The following AGBL4 variants were observed in gnomAD, a reference collection of about 807,000 sequenced individuals.
AGBL4 encodes the protein AGBL carboxypeptidase 4, also known as cytosolic carboxypeptidase 6.
AGBL4 carries 58 observed loss-of-function variants against 66.4 expected under a neutral mutation model. That is an observed-to-expected ratio of 0.87 (90% CI 0.71 to 1.09). The LOEUF is 1.09. Among genes scored for constraint, AGBL4 ranks in the 50% least tolerant of loss-of-function variants. The pLI is 0.00. For synonymous variants in AGBL4, 234 were observed against 222.9 expected (o/e 1.05, Z -0.44); for missense variants, 579 against 631.0 (o/e 0.92, Z 0.88).
intron 2 of AGBL4, among the ~76,000 whole-genome samples, chr1:49,759,291 C>A (rs960317922): frequency 3.3e-5 from 5 of 152,100 alleles, no homozygotes; most frequent in African/African-American, 9.7e-5. Context: ...TCACTAAAAC[C>A]AGTAGCCCCT....
rs1376999955 is a variant in AGBL4, at chr1:48,834,232, A to G, written c.634+32959T>C. ...TGAATTTTGCCTAAGGATAAATTGT[A>G]TTTTGAGTCTCACCCATATCTGATT... On this transcript the variant is annotated intron_variant, in intron 6 of 13. Transcript: ENST00000371839. 4.6e-5 allele frequency among the ~76,000 whole-genome samples: 7 copies of G among 152,298 alleles called. 2 individuals are homozygous for G. Among genetic ancestry groups the G allele is most frequent in the Middle Eastern group, 6.8e-3 (2 of 294 alleles).
At chr1:48,674,120 C>T (rs1363367018) in intron 6 of AGBL4, among the ~76,000 whole-genome samples, 3 of 152,198 alleles carry the variant, frequency 2.0e-5, no homozygotes, top group Non-Finnish European at 4.4e-5. Context: ...CTCCTCACAC[C>T]TTTCTAGTTT....
intron 3 of AGBL4, among the ~76,000 whole-genome samples, chr1:49,372,374 AAT>A (rs1353780748): frequency 1.3e-5 from 2 of 152,138 alleles, no homozygotes; most frequent in African/African-American, 2.4e-5. Flanking sequence ...CTTACAGTAT[AAT>A]ACACAAGCTC....
rs1204557479 is a variant in AGBL4 at position 48,867,177 on chromosome 1, C to G, written c.634+14G>C. On this transcript the variant is annotated intron_variant, in intron 6 of 13. Transcript: ENST00000371839. ...TAAGGGAAAAGCAAAGGCAGAAGGGCCACGCCTACTCACCAGGGCTGGTTA... is the reference window on the plus strand; with the variant it reads ...TAAGGGAAAAGCAAAGGCAGAAGGGGCACGCCTACTCACCAGGGCTGGTTA... The G allele has an allele frequency of 6.2e-7, 1 of 1,613,110 alleles. No individual in the cohort carries two copies. The highest frequency in any genetic ancestry group is 8.5e-7 in the Non-Finnish European group (1 of 1,179,444).
At chr1:49,310,030 T>C (rs1041955520) in intron 3 of AGBL4, among the ~76,000 whole-genome samples, 1 of 151,974 alleles carries the variant, frequency 6.6e-6, no homozygotes, top group Non-Finnish European at 1.5e-5. Flanking sequence ...GAGATTTAAA[T>C]GGAGGAATTG....
chr1:49,301,775 G>A (rs560012841), intron 3 of AGBL4, among the ~76,000 whole-genome samples: 125 of 152,122 alleles, frequency 8.2e-4, no homozygotes, highest in Non-Finnish European at 1.4e-3. Context: ...ACCAATTGAC[G>A]CTACCCAGAC....
At chr1:48,595,965 T>C (rs571407807) in intron 9 of AGBL4, among the ~76,000 whole-genome samples, 4 of 152,292 alleles carry the variant, frequency 2.6e-5, no homozygotes, top group African/African-American at 9.6e-5. Context: ...GGAGACGCCA[T>C]GGGGAAGAAA....
At chr1:48,822,774 C>T (rs1474055893) in intron 6 of AGBL4, among the ~76,000 whole-genome samples, 1 of 152,186 alleles carries the variant, frequency 6.6e-6, no homozygotes, top group Non-Finnish European at 1.5e-5. Flanking sequence ...AATTGCATGG[C>T]CCAGTTCTTT....
At chr1:49,312,703 CA>C (rs545156669) in intron 3 of AGBL4, among the ~76,000 whole-genome samples, 1 of 151,568 alleles carries the variant, frequency 6.6e-6, no homozygotes, top group Non-Finnish European at 1.5e-5. Context: ...ATATAGATGA[CA>C]AAAAAACACA....
intron 2 of AGBL4, among the ~76,000 whole-genome samples, chr1:49,843,593 ACTT>A (rs1244065763): frequency 2.6e-5 from 4 of 152,148 alleles, no homozygotes; most frequent in African/African-American, 7.2e-5. Context: ...ATTTAAGGAC[ACTT>A]GTGATTACAC....
chr1:49,167,539 A>G (rs1260361366), intron 4 of AGBL4, among the ~76,000 whole-genome samples: 3 of 152,242 alleles, frequency 2.0e-5, no homozygotes, highest in Non-Finnish European at 4.4e-5. Context: ...TAAAGGCTCC[A>G]CTGCTCCTTC....
intron 11 of AGBL4, 30 bp from the exon 12 acceptor site, chr1:48,539,768 C>T (rs568867535): frequency 1.4e-4 from 196 of 1,416,676 alleles, no homozygotes; most frequent in Non-Finnish European, 1.7e-4. Flanking sequence ...GGAGCAACTT[C>T]GAAAACAGAT....
chr1:49,101,450 G>A (rs1645200531), intron 4 of AGBL4, among the ~76,000 whole-genome samples: 1 of 152,194 alleles, frequency 6.6e-6, no homozygotes, highest in South Asian at 2.1e-4. Flanking sequence ...GCCTCCCAAA[G>A]TGCTGGGATT....
At chr1:48,748,025 A>T (rs1168163977) in intron 6 of AGBL4, among the ~76,000 whole-genome samples, 1 of 152,206 alleles carries the variant, frequency 6.6e-6, no homozygotes, top group African/African-American at 2.4e-5. Context: ...TCATAAATGC[A>T]TAGCAAATCA....
chr1:49,263,111 C>G (rs1398934817), intron 3 of AGBL4, among the ~76,000 whole-genome samples: 1 of 149,368 alleles, frequency 6.7e-6, no homozygotes, highest in Admixed American at 6.7e-5. Flanking sequence ...ACAATGAGAA[C>G]ACATGGACAC....
chr1:49,245,257 TACAC>T (rs139244286), intron 4 of AGBL4, among the ~76,000 whole-genome samples: 69,641 of 138,846 alleles, frequency 0.5, 17,517 homozygotes, highest in Middle Eastern at 0.63. Flanking sequence ...AACTTTAAAA[TACAC>T]ACACACACAC....
At chr1:49,535,892 C>A (rs1034077413) in intron 3 of AGBL4, among the ~76,000 whole-genome samples, 1 of 152,124 alleles carries the variant, frequency 6.6e-6, no homozygotes, top group Non-Finnish European at 1.5e-5. Flanking sequence ...GGGGTTTCAC[C>A]GTGTTAGCCA....
intron 3 of AGBL4, among the ~76,000 whole-genome samples, chr1:49,415,636 T>C (rs1378425783): frequency 6.6e-6 from 1 of 152,100 alleles, no homozygotes; most frequent in Non-Finnish European, 1.5e-5. Flanking sequence ...ATGAACTTTA[T>C]CCTTAAAGCA....
intron 4 of AGBL4, among the ~76,000 whole-genome samples, chr1:49,207,590 C>CTTTCTTTCTTTCTT (rs1557729987): frequency 1.2e-4 from 13 of 106,716 alleles, no homozygotes; most frequent in Admixed American, 9.1e-4. Context: ...TTCTTTCTTT[C>CTTTCTTTCTTTCTT]TTTCTTTCTT....
Sources: gnomAD v4.1 joint callset for allele counts (sites outside exome capture counted in the v4.1 genomes callset) on GRCh38, gnomAD v4.1.1 for gene constraint, MANE v1.5 for transcripts, NCBI Gene and HGNC (gene_info 2026-07-23, HGNC 2026-07-21) for gene names.